DPH6: variants seen among roughly 807,000 people sequenced by gnomAD.
DPH6 encodes diphthine--ammonia ligase.
In DPH6, 33 loss-of-function variants were observed where a neutral mutation model predicts 38.2. That is an observed-to-expected ratio of 0.86 (90% CI 0.65 to 1.15). DPH6 has a LOEUF of 1.15. Ranked by LOEUF, DPH6 falls within the 50% of genes most tolerant of loss-of-function variation. The pLI is 0.00. For missense variants in DPH6, 325 were observed against 320.0 expected (o/e 1.02, Z -0.12); for synonymous variants, 108 against 103.0 (o/e 1.05, Z -0.30).
intron 3 of DPH6, among the ~76,000 whole-genome samples, chr15:35,468,734 G>C (rs1369762430): frequency 6.6e-6 from 1 of 152,106 alleles, no homozygotes; most frequent in Non-Finnish European, 1.5e-5. Flanking sequence ...GAAGTTTAAG[G>C]GTGGCGAAAA....
chr15:35,453,262 G>C (rs573349836), intron 4 of DPH6, among the ~76,000 whole-genome samples: 2 of 152,146 alleles, frequency 1.3e-5, no homozygotes, highest in South Asian at 4.2e-4. Context: ...TCTACCCATG[G>C]GCATGACATG....
chr15:35,254,895 G>A (rs940930207), intron 3 of DPH6, among the ~76,000 whole-genome samples: 29 of 152,226 alleles, frequency 1.9e-4, no homozygotes, highest in African/African-American at 6.7e-4. Context: ...TCAAGGGTGG[G>A]GAGAATTACA....
chr15:35,409,410 T>A (rs1422638731), intron 6 of DPH6, among the ~76,000 whole-genome samples: 3 of 151,950 alleles, frequency 2.0e-5, no homozygotes, highest in African/African-American at 7.2e-5. Flanking sequence ...GAAGAATCAT[T>A]GAATAAAATG....
intron 3 of DPH6, among the ~76,000 whole-genome samples, chr15:35,348,845 G>T (rs2140888138): frequency 6.6e-6 from 1 of 152,108 alleles, no homozygotes; most frequent in Admixed American, 6.6e-5. Context: ...AGAATTCTCA[G>T]TGTATACGTT....
chr15:35,546,134 A>G lies in DPH6; in HGVS notation c.8T>C (p.Val3Ala), dbSNP rs780683833. 2 of 1,403,192 alleles carry G rather than the reference A, an allele frequency of 1.4e-6. No individual in the cohort carries two copies. Among genetic ancestry groups the G allele is most frequent in the African/African-American group, 1.5e-5 (1 of 67,892 alleles). The allele number at this position is 1,403,192 out of a possible 1,614,324, so 86.9% of individuals were successfully genotyped here. A position where few individuals can be genotyped will look rare whatever the true frequency, so the allele number is the denominator to read the frequency against. Residue 3 changes from valine (V) to alanine (A), a missense_variant, in exon 1 of 9, where the codon GTC becomes GCC. Transcript: ENST00000256538. ...ACCGCATTACCTGATCAGAGCCGCG[A>G]CCCTCATGCTGGGCGCAGTGCGCGT... MR[V>A]AALISGGKDS...
intron 3 of DPH6, among the ~76,000 whole-genome samples, chr15:35,358,849 TGTTG>T (rs1401681483): frequency 6.6e-6 from 1 of 152,118 alleles, no homozygotes; most frequent in African/African-American, 2.4e-5. Context: ...TCAATTTTTG[TGTTG>T]GTTGGCCTCC....
chr15:35,259,766 C>T (rs1175897723), intron 3 of DPH6, among the ~76,000 whole-genome samples: 2 of 152,208 alleles, frequency 1.3e-5, no homozygotes, highest in Non-Finnish European at 2.9e-5. Flanking sequence ...TTCTCAGTTG[C>T]TTTCCTGAAA....
At chr15:35,183,476 A>G in the DPH6 span, among the ~76,000 whole-genome samples, 1 of 152,244 alleles carries the variant, frequency 6.6e-6, no homozygotes. Context: ...AAACGGTAAC[A>G]CTAAGCTCCA....
At chr15:35,465,786 C>T (rs1255309643) in intron 3 of DPH6, among the ~76,000 whole-genome samples, 5 of 152,112 alleles carry the variant, frequency 3.3e-5, no homozygotes, top group African/African-American at 1.2e-4. Flanking sequence ...TATTATCTCC[C>T]ATTGTGGGCT....
intron 3 of DPH6, among the ~76,000 whole-genome samples, chr15:35,480,176 AT>A (rs1398198346): frequency 6.6e-6 from 1 of 152,068 alleles, no homozygotes; most frequent in Non-Finnish European, 1.5e-5. Context: ...TACTAATCTA[AT>A]TTTTCCCCTG....
the DPH6 span, among the ~76,000 whole-genome samples, chr15:35,177,914 C>T: frequency 6.6e-6 from 1 of 151,538 alleles, no homozygotes; most frequent in Non-Finnish European, 1.5e-5. Context: ...TGCACTCCAG[C>T]CTGGACAACA....
intron 3 of DPH6, among the ~76,000 whole-genome samples, chr15:35,345,001 A>G (rs1399205772): frequency 2.6e-5 from 4 of 151,886 alleles, no homozygotes; most frequent in Non-Finnish European, 5.9e-5. Context: ...AAAATATGGC[A>G]TATATGTTAA....
the DPH6 span, among the ~76,000 whole-genome samples, chr15:35,191,541 C>T: frequency 1.6e-4 from 24 of 152,248 alleles, no homozygotes; most frequent in African/African-American, 5.3e-4. Flanking sequence ...GGGATACGAA[C>T]CAAAGTTTAT....
chr15:35,527,862 G>C (rs2055028322), intron 3 of DPH6, among the ~76,000 whole-genome samples: 1 of 152,048 alleles, frequency 6.6e-6, no homozygotes, highest in Admixed American at 6.6e-5. Flanking sequence ...CTGATGGAAA[G>C]AGAAATGTGA....
At chr15:35,456,957 T>C (rs1397850912) in intron 3 of DPH6, among the ~76,000 whole-genome samples, 1 of 152,084 alleles carries the variant, frequency 6.6e-6, no homozygotes, top group Non-Finnish European at 1.5e-5. Context: ...TTTCATGTAT[T>C]TTTAATTTTT....
At chr15:35,283,513 G>T (rs2051917172) in intron 3 of DPH6, among the ~76,000 whole-genome samples, 1 of 151,874 alleles carries the variant, frequency 6.6e-6, no homozygotes, top group Non-Finnish European at 1.5e-5. Context: ...GGCCAGGCTG[G>T]TCTCAAACTC....
chr15:35,406,787 C>A (rs933589822), intron 6 of DPH6, among the ~76,000 whole-genome samples: 1 of 151,804 alleles, frequency 6.6e-6, no homozygotes, highest in African/African-American at 2.4e-5. Context: ...GGTTGAGGGG[C>A]TTGGGGACAT....
At chr15:35,378,632 A>G (rs2052815412) in intron 7 of DPH6, among the ~76,000 whole-genome samples, 1 of 152,208 alleles carries the variant, frequency 6.6e-6, no homozygotes, top group South Asian at 2.1e-4. Flanking sequence ...TACATCATGG[A>G]ATACTATGCA....
chr15:35,431,856 CG>C (rs1379111478), intron 5 of DPH6, among the ~76,000 whole-genome samples: 6 of 151,948 alleles, frequency 3.9e-5, no homozygotes, highest in African/African-American at 1.5e-4. Flanking sequence ...GGCGCAATCT[CG>C]GCTCACTGCA....
Sources: gnomAD v4.1 joint callset for allele counts (sites outside exome capture counted in the v4.1 genomes callset) on GRCh38, gnomAD v4.1.1 for gene constraint, MANE v1.5 for transcripts, NCBI Gene and HGNC (gene_info 2026-07-23, HGNC 2026-07-21) for gene names.